Variants in TMTC2 observed in about 807,000 individuals in gnomAD.
The protein encoded by TMTC2 is protein O-mannosyl-transferase TMTC2.
A neutral mutation model predicts 82.4 loss-of-function variants in TMTC2; 43 were observed. That is an observed-to-expected ratio of 0.52 (90% confidence interval 0.41 to 0.67). TMTC2 has a LOEUF of 0.67. TMTC2 is among the 30% of genes least tolerant of loss of function. The pLI is 0.00. For synonymous variants in TMTC2, 408 were observed against 381.9 expected (o/e 1.07, Z -0.80); for missense variants, 919 against 1,012.4 (o/e 0.91, Z 1.25).
chr12:82,711,720 A>G (rs537602777), intron 1 of TMTC2, among the ~76,000 whole-genome samples: 31 of 152,226 alleles, frequency 2.0e-4, no homozygotes, highest in Admixed American at 6.5e-4. Flanking sequence ...AATGTGAACA[A>G]TGCTTCAGAA....
At chr12:82,967,225 T>C (rs1254830713) in intron 7 of TMTC2, among the ~76,000 whole-genome samples, 1 of 152,128 alleles carries the variant, frequency 6.6e-6, no homozygotes, top group Non-Finnish European at 1.5e-5. Context: ...CCCAGAATTA[T>C]TGCAAGGGAC....
intron 11 of TMTC2, among the ~76,000 whole-genome samples, chr12:83,067,450 G>C (rs547207749): frequency 6.6e-6 from 1 of 152,034 alleles, no homozygotes; most frequent in South Asian, 2.1e-4. Context: ...GTGAGTGGGG[G>C]GTGCAAAGGA....
intron 1 of TMTC2, among the ~76,000 whole-genome samples, chr12:82,809,409 G>A (rs1400876013): frequency 6.6e-6 from 1 of 152,002 alleles, no homozygotes; most frequent in Non-Finnish European, 1.5e-5. Context: ...AAGACTGAAT[G>A]CTTAAGTCCT....
intron 9 of TMTC2, among the ~76,000 whole-genome samples, chr12:83,042,195 T>A (rs1460163209): frequency 6.6e-6 from 1 of 152,206 alleles, no homozygotes; most frequent in Non-Finnish European, 1.5e-5. Flanking sequence ...AGGAAAAGGA[T>A]GTTTGGGCTC....
intron 8 of TMTC2, among the ~76,000 whole-genome samples, chr12:83,015,063 C>A (rs189268293): frequency 5.6e-4 from 85 of 152,248 alleles, no homozygotes; most frequent in Non-Finnish European, 1.0e-3. Context: ...AGGCTGTATT[C>A]TTTCCTCTAT....
chr12:83,111,026 C>T (rs1884584120), intron 11 of TMTC2, among the ~76,000 whole-genome samples: 1 of 152,212 alleles, frequency 6.6e-6, no homozygotes, highest in Admixed American at 6.5e-5. Context: ...CAATAAATGG[C>T]TTCATTCTTC....
At chr12:82,775,328 T>C (rs1369769717) in intron 1 of TMTC2, among the ~76,000 whole-genome samples, 2 of 151,936 alleles carry the variant, frequency 1.3e-5, no homozygotes, top group Admixed American at 1.3e-4. Flanking sequence ...TGTGTGCCTC[T>C]GGCCTCAGCT....
At chr12:83,065,046 G>C (rs1232173771) in intron 11 of TMTC2, among the ~76,000 whole-genome samples, 1 of 151,806 alleles carries the variant, frequency 6.6e-6, no homozygotes, top group Non-Finnish European at 1.5e-5. Context: ...GTACCCCTGA[G>C]AGGGTAAAAA....
intron 9 of TMTC2, among the ~76,000 whole-genome samples, chr12:83,050,471 T>C (rs760470867): frequency 6.6e-6 from 1 of 152,152 alleles, no homozygotes; most frequent in Non-Finnish European, 1.5e-5. Context: ...TCTAATTGAG[T>C]AAATTAATGC....
intron 1 of TMTC2, among the ~76,000 whole-genome samples, chr12:82,745,998 G>A (rs1166897191): frequency 2.0e-5 from 3 of 152,220 alleles, no homozygotes; most frequent in Non-Finnish European, 2.9e-5. Context: ...TGAAGGTGCT[G>A]ATCCTAAATT....
Position 82,896,605 on chromosome 12 carries a change from A to G in TMTC2, c.1442A>G (p.Glu481Gly). 6.2e-7 allele frequency: 1 copy of G among 1,613,598 alleles called. No individual in the cohort carries two copies. Among genetic ancestry groups the G allele is most frequent in the Non-Finnish European group, 8.5e-7 (1 of 1,179,880 alleles). ...AIRNGDWQNE[E>G]MLYRSGIKVN... ...AGGAATGGAGACTGGCAGAATGAGGAAATGCTTTATAGATCAGGGATAAAA... is the reference window on the plus strand; with the variant it reads ...AGGAATGGAGACTGGCAGAATGAGGGAATGCTTTATAGATCAGGGATAAAA... Residue 481 changes from glutamate to glycine, a missense_variant, in exon 3 of 12, where the codon GAA becomes GGA. Glu to Gly is a moderately conservative substitution (Grantham distance 98, BLOSUM62 -2). Coordinates refer to ENST00000321196, the MANE Select transcript of TMTC2 (RefSeq NM_152588.3).
At chr12:83,041,389 G>T (rs180858278) in intron 9 of TMTC2, among the ~76,000 whole-genome samples, 233 of 152,334 alleles carry the variant, frequency 1.5e-3, no homozygotes, top group Middle Eastern at 3.4e-3. Flanking sequence ...ATAATCTAGA[G>T]AGGATTACTA....
chr12:83,099,227 A>C (rs1238176007), intron 11 of TMTC2, among the ~76,000 whole-genome samples: 1 of 152,218 alleles, frequency 6.6e-6, no homozygotes, highest in Non-Finnish European at 1.5e-5. Context: ...TCTTGATTAA[A>C]AGCCTAATTT....
chr12:82,948,269 G>A (rs1440933951), intron 4 of TMTC2, among the ~76,000 whole-genome samples: 1 of 152,096 alleles, frequency 6.6e-6, no homozygotes, highest in Non-Finnish European at 1.5e-5. Context: ...GGAGGCTGAT[G>A]TGGGAGAATT....
intron 9 of TMTC2, among the ~76,000 whole-genome samples, chr12:83,035,275 C>T (rs1164463864): frequency 6.6e-6 from 1 of 152,050 alleles, no homozygotes; most frequent in African/African-American, 2.4e-5. Context: ...TAGTTTTGTT[C>T]GGGGGAAGAG....
rs151036354 is a variant in TMTC2 at position 83,131,251 on chromosome 12, G to T, written c.2332-959G>T. On this transcript the variant is annotated intron_variant, in intron 11 of 11. Transcript: ENST00000321196. ...GCTTTCTGTTAGCCAGAATGTTCCA[G>T]GGACAGGAGCAGAACAGCCTTATTT... Among the ~76,000 whole-genome samples the T allele has an allele frequency of 3.0e-3, 452 of 152,302 alleles. 1 individual carries two copies. The highest frequency in any genetic ancestry group is 0.011 in the African/African-American group (438 of 41,564).
At chr12:82,818,891 C>A (rs1868908146) in intron 1 of TMTC2, among the ~76,000 whole-genome samples, 3 of 152,052 alleles carry the variant, frequency 2.0e-5, no homozygotes, top group Non-Finnish European at 4.4e-5. Flanking sequence ...TAGACTTCAT[C>A]TCTAATCCAA....
chr12:82,936,916 T>C (rs901314598), intron 4 of TMTC2, among the ~76,000 whole-genome samples: 1 of 152,144 alleles, frequency 6.6e-6, no homozygotes, highest in African/African-American at 2.4e-5. Context: ...GAAATCCATA[T>C]CAGAGTAGAA....
chr12:82,887,647 A>G (rs901823662), intron 2 of TMTC2, among the ~76,000 whole-genome samples: 1 of 152,354 alleles, frequency 6.6e-6, no homozygotes, highest in Admixed American at 6.5e-5. Flanking sequence ...TTTTCTATGT[A>G]TGGCAGTTTC....
Sources: allele counts gnomAD v4.1 joint callset (sites outside exome capture counted in the v4.1 genomes callset), GRCh38; gene constraint gnomAD v4.1.1; transcripts MANE v1.5; gene names NCBI Gene and HGNC (gene_info 2026-07-23, HGNC 2026-07-21).